The following FAM133A variants were observed in gnomAD, a reference collection of about 807,000 sequenced individuals.
The protein encoded by FAM133A is family with sequence similarity 133 member A.
For missense variants in FAM133A, 159 were observed against 164.4 expected, an observed-to-expected ratio of 0.97 and a Z score of 0.18; for synonymous variants, 65 against 58.6, an observed-to-expected ratio of 1.11 and a Z score of -0.50.
chrX:93,675,943 T>TA lies in FAM133A; in HGVS notation c.-193+1198dup, dbSNP rs1479338179. Among the ~76,000 whole-genome samples, 22 of 111,532 alleles carry TA rather than the reference T, an allele frequency of 2.0e-4. No homozygotes were observed. The Admixed American group carries it at 2.1e-3, about 11-fold the overall frequency. On this transcript the variant is annotated intron_variant, in intron 2 of 3. Transcript: ENST00000683942. ...ATTTTTATTTTAAATTATGGAGATTTAAAAAAATGTATGCTCTTATGTTTT... is the reference window on the plus strand; with the variant it reads ...ATTTTTATTTTAAATTATGGAGATTTAAAAAAAATGTATGCTCTTATGTTTT...
intron 2 of FAM133A, among the ~76,000 whole-genome samples, chrX:93,693,199 G>C (rs774701873): frequency 9.0e-6 from 1 of 111,200 alleles, no homozygotes; most frequent in Admixed American, 9.6e-5. Flanking sequence ...AAAAAGTCAG[G>C]GTTTTATTTT....
chrX:93,705,077 A>C (rs770085940), intron 3 of FAM133A, among the ~76,000 whole-genome samples: 1 of 111,132 alleles, frequency 9.0e-6, no homozygotes, highest in Non-Finnish European at 1.9e-5. Flanking sequence ...TCATCTCCCC[A>C]GTCATGATTA....
At chrX:93,675,207 A>G (rs1441625165) in intron 2 of FAM133A, among the ~76,000 whole-genome samples, 2 of 112,031 alleles carry the variant, frequency 1.8e-5, no homozygotes, top group Non-Finnish European at 3.8e-5. Flanking sequence ...TAGTAAAAAC[A>G]CAAAATCTTA....
At chrX:93,684,718 T>C (rs1925395660) in intron 2 of FAM133A, among the ~76,000 whole-genome samples, 1 of 112,178 alleles carries the variant, frequency 8.9e-6, no homozygotes, top group Admixed American at 9.5e-5. Context: ...GTATTTTCTA[T>C]TCTGAATCAC....
chrX:93,693,496 A>G, intron 2 of FAM133A, among the ~76,000 whole-genome samples: 1 of 111,518 alleles, frequency 9.0e-6, no homozygotes, highest in East Asian at 2.8e-4. Context: ...AACAATTCTA[A>G]CAATATGAAA....
At chrX:93,689,458 T>C (rs752169083) in intron 2 of FAM133A, among the ~76,000 whole-genome samples, 1 of 112,289 alleles carries the variant, frequency 8.9e-6, no homozygotes, top group East Asian at 2.8e-4. Context: ...GTGATAAGTA[T>C]TTATTGACTT....
chrX:93,678,230 A>G (rs1268253137), intron 2 of FAM133A, among the ~76,000 whole-genome samples: 1 of 111,700 alleles, frequency 9.0e-6, no homozygotes, highest in Non-Finnish European at 1.9e-5. Context: ...TTGTTTTATC[A>G]TTAAGTTTTG....
chrX:93,680,375 G>A (rs1440249083), intron 2 of FAM133A, among the ~76,000 whole-genome samples: 1 of 110,748 alleles, frequency 9.0e-6, no homozygotes, highest in Non-Finnish European at 1.9e-5. Context: ...TCCATATCTT[G>A]GCTATTGTAC....
At chrX:93,687,808 T>G (rs1459258320) in intron 2 of FAM133A, among the ~76,000 whole-genome samples, 3 of 111,931 alleles carry the variant, frequency 2.7e-5, no homozygotes, top group African/African-American at 9.7e-5. Flanking sequence ...CCCGACTAAC[T>G]CACTACCTTC....
At position 93,697,190 on chromosome X, in the gene FAM133A, T is replaced by TAA. The variant is rs762948406; in HGVS notation, c.-192-1206_-192-1205dup. 3.6e-4 allele frequency among the ~76,000 whole-genome samples: 35 copies of TAA among 97,830 alleles called. No individual in the cohort carries two copies. The East Asian group carries it at 3.6e-3, about 10-fold the overall frequency. The allele number at this position is 97,830 out of a possible 115,157, so 85.0% of individuals were successfully genotyped here. ...AGTTATATATATATATATATATATA[T>TAA]AATATATCATAGGCAGGTTAATATA... On this transcript the variant is annotated intron_variant, in intron 2 of 3. Coordinates refer to ENST00000683942, the MANE Select transcript of FAM133A (RefSeq NM_001171109.2).
chrX:93,701,104 C>T (rs780323175), intron 3 of FAM133A, among the ~76,000 whole-genome samples: 3 of 111,114 alleles, frequency 2.7e-5, no homozygotes, highest in East Asian at 5.6e-4. Context: ...GATTGCAAAT[C>T]GGTTTGTATG....
chrX:93,677,524 A>C, intron 2 of FAM133A, among the ~76,000 whole-genome samples: 1 of 111,733 alleles, frequency 8.9e-6, no homozygotes, highest in East Asian at 2.8e-4. Context: ...CTGTGAAAGT[A>C]TCACCACAGA....
chrX:93,711,261 C>A lies in FAM133A; in HGVS notation c.*1095C>A, dbSNP rs193297176. On this transcript the variant is annotated 3_prime_UTR_variant, in exon 4 of 4. Coordinates refer to ENST00000683942, the MANE Select transcript of FAM133A (RefSeq NM_001171109.2). ...CAAGTTGAGTGCCAGACCTCTAGTA[C>A]GCCGTATGTTACATGAAACTACTGC... 2 of 122,184 alleles carry A rather than the reference C, an allele frequency of 1.6e-5. No individual in the cohort carries two copies. Among genetic ancestry groups the A allele is most frequent in the Non-Finnish European group, 3.8e-5 (2 of 52,993 alleles). The allele number at this position is 122,184 out of a possible 1,213,427, so 10.1% of individuals were successfully genotyped here.
rs376335726 is a variant in FAM133A at position 93,679,915 on chromosome X, A to ATTTTTTTTTTT, written c.-193+5196_-193+5206dup. Among the ~76,000 whole-genome samples, 18 of 62,418 alleles carry ATTTTTTTTTTT rather than the reference A, an allele frequency of 2.9e-4. 2 individuals are homozygous for ATTTTTTTTTTT. The highest frequency in any genetic ancestry group is 1.4e-3 in the African/African-American group (17 of 11,993). 54.2% of individuals were successfully genotyped at this position (62,418 alleles called of 115,157 possible). A position where few individuals can be genotyped will look rare whatever the true frequency, so the allele number is the denominator to read the frequency against. ...AGGTGTGTACCACCACTCCTGGCAAATTTTTTTTTTTTTTTTTTTTTTTTT... is the reference window on the plus strand; with the variant it reads ...AGGTGTGTACCACCACTCCTGGCAAATTTTTTTTTTTTTTTTTTTTTTTTTTTTTTTTTTTT... On this transcript the variant is annotated intron_variant, in intron 2 of 3. Coordinates refer to ENST00000683942, the MANE Select transcript of FAM133A (RefSeq NM_001171109.2).
At chrX:93,676,012 A>T (rs746028265) in intron 2 of FAM133A, among the ~76,000 whole-genome samples, 6 of 111,280 alleles carry the variant, frequency 5.4e-5, no homozygotes, top group South Asian at 3.7e-4. Flanking sequence ...GTCAGTCATG[A>T]GTTAGGGATC....
In FAM133A at chrX:93,700,665, T is replaced by C. The variant is rs144666701; in HGVS notation, c.-104+2180T>C. 5.0e-3 allele frequency among the ~76,000 whole-genome samples: 562 copies of C among 111,650 alleles called. 2 individuals carry two copies. Among genetic ancestry groups the C allele is most frequent in the African/African-American group, 0.018 (543 of 30,837 alleles). On this transcript the variant is annotated intron_variant, in intron 3 of 3. Coordinates refer to ENST00000683942, the MANE Select transcript of FAM133A (RefSeq NM_001171109.2). The stretch of plus-strand genomic sequence containing the variant: ...TTTCAGTAGTCATCTATAATTTAGT[T>C]ACGTTAACAAATATACTCTGGCCTT...
At chrX:93,700,526 A>G (rs1926623609) in intron 3 of FAM133A, among the ~76,000 whole-genome samples, 1 of 111,424 alleles carries the variant, frequency 9.0e-6, no homozygotes, top group Non-Finnish European at 1.9e-5. Flanking sequence ...ATCCCTCCAC[A>G]TGTTTTTTCA....
chrX:93,707,955 C>T (rs1185713401), intron 3 of FAM133A, among the ~76,000 whole-genome samples: 2 of 111,339 alleles, frequency 1.8e-5, no homozygotes, highest in African/African-American at 6.5e-5. Context: ...ATGTATAACG[C>T]AATAATCACA....
At chrX:93,687,680 C>T (rs913797397) in intron 2 of FAM133A, among the ~76,000 whole-genome samples, 2 of 110,973 alleles carry the variant, frequency 1.8e-5, no homozygotes, top group Non-Finnish European at 3.8e-5. Flanking sequence ...TTTCTTCTAG[C>T]GATTTTGAAA....
Sources: gnomAD v4.1 joint callset for allele counts (sites outside exome capture counted in the v4.1 genomes callset) on GRCh38, gnomAD v4.1.1 for gene constraint, MANE v1.5 for transcripts, NCBI Gene and HGNC (gene_info 2026-07-23, HGNC 2026-07-21) for gene names.